The following LOXHD1 variants were observed in gnomAD, a reference collection of about 807,000 sequenced individuals.
The protein encoded by LOXHD1 is lipoxygenase homology domain-containing protein 1.
Under a neutral mutation model 248.2 loss-of-function variants are expected in LOXHD1, and 205 were observed. That is an observed-to-expected ratio of 0.83 (90% confidence interval 0.74 to 0.93). The LOEUF (loss-of-function observed/expected upper bound fraction) is 0.93. Among genes scored for constraint, LOXHD1 ranks in the 40% least tolerant of loss-of-function variants. LOXHD1 has a pLI of 0.00. For synonymous variants in LOXHD1, 1,113 were observed against 1,162.8 expected (o/e 0.96, Z 0.87); for missense variants, 2,930 against 2,971.6 (o/e 0.99, Z 0.33).
At chr18:46,631,414 G>C (rs926420227) in intron 4 of LOXHD1, among the ~76,000 whole-genome samples, 8 of 152,184 alleles carry the variant, frequency 5.3e-5, no homozygotes, top group Admixed American at 2.6e-4. Context: ...CCCTGCCCGT[G>C]AGATTCCTTA....
intron 6 of LOXHD1, among the ~76,000 whole-genome samples, chr18:46,606,137 A>G (rs2038409643): frequency 6.6e-6 from 1 of 152,210 alleles, no homozygotes. Flanking sequence ...ATGAGATTTA[A>G]AAATAACTAA....
chr18:46,589,969 T>C (rs2038135314), intron 12 of LOXHD1, among the ~76,000 whole-genome samples: 1 of 152,150 alleles, frequency 6.6e-6, no homozygotes, highest in African/African-American at 2.4e-5. Flanking sequence ...GAAAACCTTA[T>C]CAAAATGGCA....
intron 5 of LOXHD1, among the ~76,000 whole-genome samples, chr18:46,613,505 A>T (rs779269633): frequency 6.6e-6 from 1 of 152,130 alleles, no homozygotes; most frequent in African/African-American, 2.4e-5. Flanking sequence ...TACAAAAATG[A>T]AAGTCTGTTA....
At chr18:46,590,574 G>A (rs918127277) in intron 12 of LOXHD1, among the ~76,000 whole-genome samples, 1 of 152,188 alleles carries the variant, frequency 6.6e-6, no homozygotes, top group African/African-American at 2.4e-5. Context: ...TATCAGGTTA[G>A]TGCAAAAGTA....
intron 21 of LOXHD1, among the ~76,000 whole-genome samples, chr18:46,553,799 G>T (rs982801776): frequency 2.6e-5 from 4 of 152,182 alleles, no homozygotes; most frequent in Non-Finnish European, 5.9e-5. Flanking sequence ...GGGTACGCTA[G>T]GCCTCACTGA....
intron 21 of LOXHD1, among the ~76,000 whole-genome samples, chr18:46,554,360 G>T (rs1436661875): frequency 6.6e-6 from 1 of 152,158 alleles, no homozygotes; most frequent in Non-Finnish European, 1.5e-5. Flanking sequence ...CCTTTTGGCT[G>T]CAAAGGCCTT....
chr18:46,633,930 A>G (rs1048492942), intron 4 of LOXHD1, among the ~76,000 whole-genome samples: 1 of 152,232 alleles, frequency 6.6e-6, no homozygotes, highest in African/African-American at 2.4e-5. Context: ...ATTGTTTTTT[A>G]AAAAACAGAA....
At chr18:46,491,465 G>A (rs1478188298) in intron 37 of LOXHD1, among the ~76,000 whole-genome samples, 1 of 152,176 alleles carries the variant, frequency 6.6e-6, no homozygotes, top group Non-Finnish European at 1.5e-5. Context: ...GTCCTAGAGC[G>A]ACACCTTGAG....
Position 46,518,129 on chromosome 18 carries a change from C to A in LOXHD1, c.5399G>T (p.Arg1800Met). 1 of 1,551,558 alleles carries A rather than the reference C, an allele frequency of 6.4e-7. No individual in the cohort carries two copies. ...AGGGGCAGGGGCCGCCTCCAGGTAC[C>A]TGGCTTTCTTTTTGTCCAGCTGCAT... ...EEMQLDKKKA[R>M]FEREQNDTFI... Residue 1800 changes from arginine (R) to methionine (M), a missense_variant and splice_region_variant, in exon 34 of 41, where the codon AGG becomes ATG. By Grantham distance (91) the Arg-to-Met change is moderately conservative. Coordinates refer to ENST00000642948, the MANE Select transcript of LOXHD1 (RefSeq NM_001384474.1).
intron 26 of LOXHD1, among the ~76,000 whole-genome samples, chr18:46,535,032 TC>T (rs2036247615): frequency 6.6e-6 from 1 of 152,200 alleles, no homozygotes; most frequent in African/African-American, 2.4e-5. Flanking sequence ...AGGTCTCAAC[TC>T]AATGATCACT....
intron 4 of LOXHD1, 87 bp downstream of exon 4, chr18:46,639,529 G>T: frequency 6.9e-7 from 1 of 1,449,548 alleles, no homozygotes; most frequent in Non-Finnish European, 9.3e-7. Context: ...AGGTGAGACT[G>T]CCCAGAGCAA....
At position 46,522,225 on chromosome 18, in the gene LOXHD1, T is replaced by A. The variant is rs370471738; in HGVS notation, c.4961A>T (p.Glu1654Val). 9.0e-6 allele frequency: 14 copies of A among 1,551,786 alleles called. No homozygotes were observed. The African/African-American group carries it at 1.8e-4, about 20-fold the overall frequency. ...GATGCGCTTACTACGTTCATCATCCTCCCCGATGAGAAAGATGAAGGCTCG... is the reference window on the plus strand; with the variant it reads ...GATGCGCTTACTACGTTCATCATCCACCCCGATGAGAAAGATGAAGGCTCG... ...DSRAFIFLIGEDDERSKRIWL... is the reference protein window; with the variant it reads ...DSRAFIFLIGVDDERSKRIWL... Residue 1654 changes from glutamate to valine, a missense_variant, in exon 32 of 41, where the codon GAG becomes GTG. Glu to Val is a moderately radical substitution (Grantham distance 121). Coordinates refer to ENST00000642948, the MANE Select transcript of LOXHD1 (RefSeq NM_001384474.1).
intron 4 of LOXHD1, among the ~76,000 whole-genome samples, chr18:46,621,328 C>T (rs2038665815): frequency 6.6e-6 from 1 of 152,224 alleles, no homozygotes; most frequent in African/African-American, 2.4e-5. Flanking sequence ...ACATTTATTA[C>T]ATTACTCTTT....
At chr18:46,509,676 AG>A (rs1244916396) in intron 35 of LOXHD1, 21 bp downstream of exon 35, 2 of 1,505,092 alleles carry the variant, frequency 1.3e-6, no homozygotes, top group Admixed American at 3.9e-5. Context: ...TGGAAGGAAG[AG>A]TGAGGGTCTA....
intron 20 of LOXHD1, among the ~76,000 whole-genome samples, chr18:46,558,263 G>T (rs1340486533): frequency 1.3e-5 from 2 of 152,120 alleles, no homozygotes; most frequent in Non-Finnish European, 2.9e-5. Context: ...TAAATCATTT[G>T]AAAGTAAGTG....
intron 5 of LOXHD1, among the ~76,000 whole-genome samples, chr18:46,611,932 T>C (rs1046983972): frequency 2.0e-5 from 3 of 152,224 alleles, no homozygotes; most frequent in African/African-American, 7.2e-5. Flanking sequence ...TGAAGTGTGA[T>C]AGTCACTATT....
intron 17 of LOXHD1, among the ~76,000 whole-genome samples, chr18:46,563,628 C>A (rs1353495533): frequency 6.6e-6 from 1 of 152,182 alleles, no homozygotes; most frequent in Non-Finnish European, 1.5e-5. Context: ...AAGGTGGGAC[C>A]TTTAAGGAGT....
intron 5 of LOXHD1, among the ~76,000 whole-genome samples, chr18:46,617,698 C>T (rs1017017257): frequency 6.6e-6 from 1 of 152,212 alleles, no homozygotes; most frequent in African/African-American, 2.4e-5. Context: ...CTGACCTGAA[C>T]TTCCTCTCAA....
At chr18:46,497,366 T>C (rs530995250) in intron 37 of LOXHD1, among the ~76,000 whole-genome samples, 1 of 152,226 alleles carries the variant, frequency 6.6e-6, no homozygotes, top group Admixed American at 6.5e-5. Context: ...ATTTTGACCG[T>C]GAGGAGATGG....
Sources: allele counts gnomAD v4.1 joint callset (sites outside exome capture counted in the v4.1 genomes callset), GRCh38; gene constraint gnomAD v4.1.1; transcripts MANE v1.5; gene names NCBI Gene and HGNC (gene_info 2026-07-23, HGNC 2026-07-21).